BNIP1: variants seen among roughly 807,000 people sequenced by gnomAD.
BNIP1 encodes the protein BCL2 interacting protein 1.
BNIP1 carries 25 observed loss-of-function variants against 28.5 expected under a neutral mutation model. The ratio of observed to expected loss-of-function variants is 0.88; its 90% CI spans 0.64 to 1.23. BNIP1 has a LOEUF of 1.23. Ranked by LOEUF, BNIP1 falls within the 50% of genes most tolerant of loss-of-function variation. The pLI is 0.00. For synonymous variants in BNIP1, 118 were observed against 101.7 expected (o/e 1.16, Z -0.96); for missense variants, 276 against 277.0 (o/e 1.00, Z 0.02).
At chr5:173,155,689 C>T (rs1362336705) in intron 3 of BNIP1, among the ~76,000 whole-genome samples, 2 of 151,206 alleles carry the variant, frequency 1.3e-5, no homozygotes. Context: ...TGAGACTCCA[C>T]CTTAAAAACA....
At position 173,163,947 on chromosome 5, in the gene BNIP1, C is replaced by T. The variant is rs771896602; in HGVS notation, c.*26C>T. ...GATCCCAAAGGTGCCAGTTCTGGCC[C>T]TTTCAGCTCCTGTTTCAGGATCTGT... On this transcript the variant is annotated 3_prime_UTR_variant, in exon 6 of 6. Coordinates refer to ENST00000351486, the MANE Select transcript of BNIP1 (RefSeq NM_001205.3). 6.3e-5 allele frequency: 99 copies of T among 1,559,964 alleles called. No individual in the cohort carries two copies. The highest frequency in any genetic ancestry group is 3.5e-4 in the Middle Eastern group (2 of 5,704).
intron 5 of BNIP1, 65 bp from the exon 6 acceptor site, chr5:173,163,660 A>G: frequency 7.0e-7 from 1 of 1,435,088 alleles, no homozygotes. Context: ...CCCAGCCAGC[A>G]GAGTGAGGTC....
intron 2 of BNIP1, among the ~76,000 whole-genome samples, chr5:173,149,578 T>C (rs1312479475): frequency 1.3e-5 from 2 of 152,112 alleles, no homozygotes; most frequent in Admixed American, 1.3e-4. Flanking sequence ...CTTGTGGTAT[T>C]GGGGTTTTGT....
chr5:173,151,482 A>C, intron 2 of BNIP1: 1 of 1,399,436 alleles, frequency 7.1e-7, no homozygotes, highest in South Asian at 1.4e-5. Context: ...CAGCCTTCCA[A>C]AGTGTTGGGA....
chr5:173,154,267 T>C (rs1760114401), intron 2 of BNIP1, 55 bp from the exon 3 acceptor site: 1 of 1,534,996 alleles, frequency 6.5e-7, no homozygotes, highest in East Asian at 2.3e-5. Context: ...AATGCTCTTC[T>C]GCTTTCATGT....
intron 2 of BNIP1, among the ~76,000 whole-genome samples, chr5:173,149,343 G>A (rs1379942583): frequency 6.6e-6 from 1 of 152,218 alleles, no homozygotes; most frequent in Non-Finnish European, 1.5e-5. Context: ...AGCAGGCAAA[G>A]AGAGAGCTTG....
At chr5:173,152,026 G>A (rs1444701741) in intron 2 of BNIP1, among the ~76,000 whole-genome samples, 1 of 152,164 alleles carries the variant, frequency 6.6e-6, no homozygotes, top group Non-Finnish European at 1.5e-5. Context: ...TCAAAACTGG[G>A]TGTTCTGCAC....
At chr5:173,162,797 C>G (rs569148654) in intron 5 of BNIP1, among the ~76,000 whole-genome samples, 21 of 152,294 alleles carry the variant, frequency 1.4e-4, no homozygotes, top group Non-Finnish European at 1.5e-5. Flanking sequence ...AAAGATCACT[C>G]TCTGTTCTGA....
chr5:173,145,613 C>T (rs376251641), intron 1 of BNIP1, among the ~76,000 whole-genome samples: 3 of 152,210 alleles, frequency 2.0e-5, no homozygotes, highest in African/African-American at 7.2e-5. Context: ...CCGTGTTAGC[C>T]AGGATGGTCT....
intron 2 of BNIP1, among the ~76,000 whole-genome samples, chr5:173,149,253 T>C (rs994606232): frequency 6.6e-6 from 1 of 152,220 alleles, no homozygotes; most frequent in South Asian, 2.1e-4. Context: ...AGAAGTTTAA[T>C]GGACTTCTGA....
chr5:173,147,737 G>A (rs1216672241), intron 2 of BNIP1, among the ~76,000 whole-genome samples: 2 of 151,882 alleles, frequency 1.3e-5, no homozygotes, highest in African/African-American at 4.8e-5. Flanking sequence ...AGTTATGTTT[G>A]TTTGTTTTAT....
At chr5:173,161,758 A>G (rs1021869772) in intron 5 of BNIP1, 2 of 152,236 alleles carry the variant, frequency 1.3e-5, no homozygotes, top group Non-Finnish European at 2.9e-5. Context: ...GAGGGGGAGC[A>G]GGATTTCAGA....
chr5:173,148,083 A>AATAT (rs70984952), intron 2 of BNIP1, among the ~76,000 whole-genome samples: 36 of 40,262 alleles, frequency 8.9e-4, no homozygotes, highest in South Asian at 1.6e-3. Context: ...AAAAAAAAAA[A>AATAT]ATATATATAT....
chr5:173,159,788 C>T (rs1008635828), intron 4 of BNIP1, 145 bp from the exon 5 acceptor site: 5 of 749,756 alleles, frequency 6.7e-6, no homozygotes, highest in Non-Finnish European at 1.1e-5. Flanking sequence ...GGTCTCAGCA[C>T]ACCCTTTCCA....
rs139883693 is a variant in BNIP1 at position 173,150,339 on chromosome 5, G to A, written c.177+3381G>A. Among the ~76,000 whole-genome samples, 1,458 of 151,720 alleles carry A rather than the reference G, an allele frequency of 9.6e-3. 11 individuals are homozygous for A. Among genetic ancestry groups the A allele is most frequent in the Non-Finnish European group, 0.016 (1,072 of 67,998 alleles). On this transcript the variant is annotated intron_variant, in intron 2 of 5. Transcript: ENST00000351486. ...CCAGCAACTCTGTTGTTGCTTAACA[G>A]AGGAAGACAGTCTGTTCTAAAGCTG... is the stretch of plus-strand genomic sequence containing the variant.
At chr5:173,148,889 T>C (rs1477525883) in intron 2 of BNIP1, among the ~76,000 whole-genome samples, 1 of 152,314 alleles carries the variant, frequency 6.6e-6, no homozygotes, top group East Asian at 1.9e-4. Flanking sequence ...TCCTTCTTTA[T>C]TTCCTGAGGG....
chr5:173,155,348 A>G (rs767972991), intron 3 of BNIP1, among the ~76,000 whole-genome samples: 1 of 152,234 alleles, frequency 6.6e-6, no homozygotes, highest in Non-Finnish European at 1.5e-5. Flanking sequence ...TGTACCAATC[A>G]TAAAGAGGGT....
rs1456340389 is a variant in BNIP1 at position 173,163,849 on chromosome 5, C to T, written c.615C>T (p.Ile205=). 1 of 1,614,088 alleles carries T rather than the reference C, an allele frequency of 6.2e-7. No individual in the cohort carries two copies. Among genetic ancestry groups the T allele is most frequent in the Non-Finnish European group, 8.5e-7 (1 of 1,179,974 alleles). ...NRRELTDKLL[I]FLALALFLAT... ...GGGAGCTGACGGACAAGCTTCTCATCTTCCTTGCGCTAGCCCTGTTTCTTG... is the reference window on the plus strand; with the variant it reads ...GGGAGCTGACGGACAAGCTTCTCATTTTCCTTGCGCTAGCCCTGTTTCTTG... Residue 205 remains isoleucine (I), a synonymous_variant, in exon 6 of 6, where the codon ATC becomes ATT. Transcript: ENST00000351486.
rs537869671 is a variant in BNIP1 at position 173,146,789 on chromosome 5, A to G, written c.85-77A>G. The G allele has an allele frequency of 1.6e-5, 18 of 1,134,842 alleles. No individual in the cohort carries two copies. The East Asian group carries it at 2.4e-4, about 15-fold the overall frequency. The allele number at this position is 1,134,842 out of a possible 1,614,324, so 70.3% of individuals were successfully genotyped here. On this transcript the variant is annotated intron_variant, in intron 1 of 5. Transcript: ENST00000351486. ...TGTTAATATTAGTTGGTCTAAACCA[A>G]CTCTATCACTGTATGGATGGTGTCA...
Sources: allele counts gnomAD v4.1 joint callset (sites outside exome capture counted in the v4.1 genomes callset), GRCh38; gene constraint gnomAD v4.1.1; transcripts MANE v1.5; gene names NCBI Gene and HGNC (gene_info 2026-07-23, HGNC 2026-07-21).